The following DAOA variants were observed in gnomAD, a reference collection of about 807,000 sequenced individuals.
The protein encoded by DAOA is D-amino acid oxidase regulator.
DAOA carries 15 observed loss-of-function variants against 16.4 expected under a neutral mutation model. The ratio of observed to expected loss-of-function variants is 0.91; its 90% CI spans 0.61 to 1.41. DAOA has a LOEUF of 1.41. Among genes scored for constraint, DAOA ranks in the 40% most tolerant of loss-of-function variants. The pLI, the probability that DAOA is intolerant of heterozygous loss-of-function variation, is 0.00. For missense variants in DAOA, 230 were observed against 176.8 expected (o/e 1.30, Z -1.71); for synonymous variants, 75 against 59.1 (o/e 1.27, Z -1.23).
Position 105,481,737 on chromosome 13 carries a change from G to A in DAOA, c.282-8164G>A, listed in dbSNP as rs1173951917. Among the ~76,000 whole-genome samples, 5 of 152,054 alleles carry A rather than the reference G, an allele frequency of 3.3e-5. No homozygotes were observed. In the East Asian group the frequency reaches 9.7e-4, roughly 30 times the overall value. On this transcript the variant is annotated intron_variant, in intron 4 of 5. Coordinates refer to ENST00000375936, the MANE Select transcript of DAOA (RefSeq NM_172370.5). The stretch of plus-strand genomic sequence containing the variant: ...TTGATTCAAATTTTCTCTCTCCCTT[G>A]TATCCTTCTCATCAGTATTTAAATA...
rs1878394059 is a variant in DAOA, at chr13:105,489,889, A to T, written c.282-12A>T. ...ACAAGACCTGGCCAACTGAGACCGG[A>T]TCTCCTTACAGGCTTGAAGAAGTAA... On this transcript the variant is annotated splice_polypyrimidine_tract_variant and intron_variant, in intron 4 of 5. Coordinates refer to ENST00000375936, the MANE Select transcript of DAOA (RefSeq NM_172370.5). The T allele has an allele frequency of 6.2e-7, 1 of 1,613,732 alleles. No homozygotes were observed. Among genetic ancestry groups the T allele is most frequent in the Non-Finnish European group, 8.5e-7 (1 of 1,179,852 alleles).
At chr13:105,466,162 T>G (rs1876496103) in intron 1 of DAOA, 54 bp from the exon 2 acceptor site, 3 of 1,450,818 alleles carry the variant, frequency 2.1e-6, no homozygotes, top group Non-Finnish European at 2.8e-6. Flanking sequence ...ACACCCCAAA[T>G]TAGTGGCTTA....
chr13:105,488,828 T>C (rs2139208370), intron 4 of DAOA, among the ~76,000 whole-genome samples: 1 of 152,340 alleles, frequency 6.6e-6, no homozygotes, highest in East Asian at 1.9e-4. Context: ...ACAATCTTGT[T>C]TCAAATACTC....
chr13:105,481,789 C>A (rs1320308521), intron 4 of DAOA, among the ~76,000 whole-genome samples: 1 of 152,176 alleles, frequency 6.6e-6, no homozygotes, highest in Non-Finnish European at 1.5e-5. Context: ...ATCTTAATAA[C>A]AAGAATACTT....
chr13:105,489,691 C>A, intron 4 of DAOA: 1 of 1,077,286 alleles, frequency 9.3e-7, no homozygotes, highest in Non-Finnish European at 1.3e-6. Context: ...AAATTATATC[C>A]AAATATGTAG....
intron 2 of DAOA, among the ~76,000 whole-genome samples, chr13:105,466,642 ACCT>A (rs1876535000): frequency 6.6e-6 from 1 of 151,808 alleles, no homozygotes; most frequent in African/African-American, 2.4e-5. Flanking sequence ...GTTATAAACC[ACCT>A]CCCCCTCACT....
intron 4 of DAOA, among the ~76,000 whole-genome samples, chr13:105,486,696 G>T (rs1192115869): frequency 6.6e-6 from 1 of 150,916 alleles, no homozygotes; most frequent in Non-Finnish European, 1.5e-5. Flanking sequence ...TCGGCTCACT[G>T]CAACCTCTGC....
At chr13:105,474,749 G>T (rs1877223367) in intron 4 of DAOA, among the ~76,000 whole-genome samples, 1 of 152,100 alleles carries the variant, frequency 6.6e-6, no homozygotes, top group Non-Finnish European at 1.5e-5. Flanking sequence ...ATTGGGAATT[G>T]GGGAAGAGAG....
chr13:105,473,270 A>C (rs971893860), intron 4 of DAOA, among the ~76,000 whole-genome samples: 1 of 152,004 alleles, frequency 6.6e-6, no homozygotes, highest in Non-Finnish European at 1.5e-5. Flanking sequence ...AAGCTCTACC[A>C]AGCTACAATA....
intron 3 of DAOA, among the ~76,000 whole-genome samples, chr13:105,470,143 C>T (rs1876828399): frequency 2.1e-5 from 3 of 145,434 alleles, no homozygotes; most frequent in Admixed American, 1.4e-4. Context: ...CAAGAAGAGA[C>T]TAGAGTTATA....
In DAOA at chr13:105,472,675, C is replaced by T. The variant is rs367543080; in HGVS notation, c.271C>T (p.Pro91Ser). The T allele has an allele frequency of 1.5e-5, 24 of 1,612,694 alleles. No homozygotes were observed. Among genetic ancestry groups the T allele is most frequent in the East Asian group, 2.2e-5 (1 of 44,840 alleles). ...TCCTTGGGTCTCTTACCTTCCTCAG[C>T]CCTATGCAGAGTATGTATCTTCTTC... The part of the protein sequence containing the change: ...LCPWVSYLPQ[P>S]YAELEEVSSH... Residue 91 changes from proline to serine, a missense_variant, in exon 4 of 6, where the codon CCC becomes TCC. Pro to Ser is a moderately conservative substitution (Grantham distance 74). Coordinates refer to ENST00000375936, the MANE Select transcript of DAOA (RefSeq NM_172370.5).
chr13:105,490,688 A>G (rs930604398), intron 5 of DAOA: 1 of 152,066 alleles, frequency 6.6e-6, no homozygotes, highest in African/African-American at 2.4e-5. Context: ...GGAAATATGT[A>G]TTTCTTATGT....
At position 105,490,111 on chromosome 13, in the gene DAOA, C is replaced by T; in HGVS notation, c.*30C>T. The T allele has an allele frequency of 6.5e-7, 1 of 1,535,466 alleles. No homozygotes were observed. Among genetic ancestry groups the T allele is most frequent in the Non-Finnish European group, 8.8e-7 (1 of 1,137,304 alleles). On this transcript the variant is annotated 3_prime_UTR_variant, in exon 5 of 6. Transcript: ENST00000375936. Reference sequence around the variant, plus strand: ...GGAAGCAGATTCTTCCCAGCCAATCCTTCTGATGACAATGTAGTCTGGCCA... The same window carrying T: ...GGAAGCAGATTCTTCCCAGCCAATCTTTCTGATGACAATGTAGTCTGGCCA...
intron 2 of DAOA, among the ~76,000 whole-genome samples, chr13:105,466,720 CTT>C (rs1876543972): frequency 1.3e-5 from 2 of 152,050 alleles, no homozygotes; most frequent in Middle Eastern, 6.3e-3. Context: ...ACTGGGATAA[CTT>C]TGTGCTTATT....
intron 3 of DAOA, among the ~76,000 whole-genome samples, chr13:105,468,506 T>G (rs1876698228): frequency 6.6e-6 from 1 of 152,224 alleles, no homozygotes; most frequent in Admixed American, 6.5e-5. Flanking sequence ...CCAAGTAATT[T>G]TATTTACTTT....
At chr13:105,483,292 G>GT (rs1877878712) in intron 4 of DAOA, among the ~76,000 whole-genome samples, 1 of 152,142 alleles carries the variant, frequency 6.6e-6, no homozygotes, top group Admixed American at 6.5e-5. Context: ...TTCAGCTGCT[G>GT]TAAGTAAAGA....
chr13:105,477,406 C>T (rs1877411934), intron 4 of DAOA, among the ~76,000 whole-genome samples: 1 of 152,158 alleles, frequency 6.6e-6, no homozygotes, highest in Admixed American at 6.6e-5. Flanking sequence ...TACACAAATG[C>T]CAGTCACATA....
rs145373230 is a variant in DAOA, at chr13:105,471,969, C to T, written c.134-569C>T. ...ACTATCACACTCCATTCTCTTTCCA[C>T]GCCAAAGTAAGAGGAATTATTTAAC... is the stretch of plus-strand genomic sequence containing the variant. On this transcript the variant is annotated intron_variant, in intron 3 of 5. Coordinates refer to ENST00000375936, the MANE Select transcript of DAOA (RefSeq NM_172370.5). 3.7e-3 allele frequency among the ~76,000 whole-genome samples: 567 copies of T among 152,224 alleles called. 3 individuals carry two copies. The highest frequency in any genetic ancestry group is 0.013 in the African/African-American group (522 of 41,542).
chr13:105,468,761 C>T (rs1265639078), intron 3 of DAOA, among the ~76,000 whole-genome samples: 1 of 152,204 alleles, frequency 6.6e-6, no homozygotes, highest in Admixed American at 6.5e-5. Flanking sequence ...AGCTTATTGT[C>T]TTCTAATGAT....
Sources: gnomAD v4.1 joint callset for allele counts (sites outside exome capture counted in the v4.1 genomes callset) on GRCh38, gnomAD v4.1.1 for gene constraint, MANE v1.5 for transcripts, NCBI Gene and HGNC (gene_info 2026-07-23, HGNC 2026-07-21) for gene names.